DTX1: variants seen among roughly 807,000 people sequenced by gnomAD.
DTX1 encodes the protein deltex E3 ubiquitin ligase 1.
DTX1 carries 26 observed loss-of-function variants against 57.8 expected under a neutral mutation model. The ratio of observed to expected loss-of-function variants is 0.45; its 90% CI spans 0.33 to 0.62. DTX1 has a LOEUF of 0.62. DTX1 is among the 20% of genes least tolerant of loss of function. The pLI, the probability that DTX1 is intolerant of heterozygous loss-of-function variation, is 0.02. For missense variants in DTX1, 704 were observed against 895.3 expected, an observed-to-expected ratio of 0.79 and a Z score of 2.73; for synonymous variants, 398 against 394.1, an observed-to-expected ratio of 1.01 and a Z score of -0.12.
At chr12:113,088,944 G>A (rs973250724) in intron 3 of DTX1, among the ~76,000 whole-genome samples, 4 of 152,162 alleles carry the variant, frequency 2.6e-5, no homozygotes, top group Non-Finnish European at 5.9e-5. Flanking sequence ...GAGCCCAGGA[G>A]TTCAAGACTG....
rs1206685271 is a variant in DTX1, at chr12:113,077,856, C to T, written c.692C>T (p.Pro231Leu). The change falls in exon 3 of 10, where the codon CCG becomes CTG. Residue 231 changes from proline to leucine, a missense_variant. This residue lies in a region of DTX1 where 299 missense variants were observed against 311.2 expected (regional missense o/e 0.96). Coordinates refer to ENST00000548759, the MANE Select transcript of DTX1 (RefSeq NM_004416.3). This position sits in a 1 kb window ranked among gnomAD's most constrained non-coding sequence, Gnocchi z 7.8. ...CGCCGCAAGGCGCCCCCCGCGCCCC[C>T]GCTGCCGCCGCCGCCGCCACCTGGA... ...SQRRKAPPAP[P>L]LPPPPPPGGP... The T allele has an allele frequency of 1.5e-6, 2 of 1,320,474 alleles. No homozygotes were observed. The highest frequency in any genetic ancestry group is 9.6e-7 in the Non-Finnish European group (1 of 1,045,276). 81.8% of individuals were successfully genotyped at this position (1,320,474 alleles called of 1,614,324 possible).
At chr12:113,060,087 A>T (rs1447684046) in intron 2 of DTX1, among the ~76,000 whole-genome samples, 2 of 152,238 alleles carry the variant, frequency 1.3e-5, no homozygotes, top group Admixed American at 6.5e-5. Context: ...AGTGCTTACC[A>T]TGTCTGGAAA....
intron 7 of DTX1, 36 bp from the exon 8 acceptor site, chr12:113,095,006 G>T (rs572338465): frequency 2.5e-6 from 4 of 1,604,124 alleles, no homozygotes. Flanking sequence ...GGTTTGGGGG[G>T]GTGCTGGGAA....
Position 113,093,450 on chromosome 12 carries a change from C to A in DTX1, c.1004-89C>A. On this transcript the variant is annotated intron_variant, in intron 4 of 9. Transcript: ENST00000548759. The surrounding 1 kb of genome is among the most constrained non-coding windows in gnomAD (Gnocchi z 4.2). Reference sequence around the variant, plus strand: ...CCCAAGAGCGCAACCCTCCCACCCACCCGAGGGCCCCGGGATTCCCAGGGC... The same window carrying A: ...CCCAAGAGCGCAACCCTCCCACCCAACCGAGGGCCCCGGGATTCCCAGGGC... 4.3e-6 allele frequency: 5 copies of A among 1,150,286 alleles called. No individual in the cohort carries two copies. Among genetic ancestry groups the A allele is most frequent in the African/African-American group, 1.6e-5 (1 of 63,682 alleles). The allele number at this position is 1,150,286 out of a possible 1,614,324, so 71.3% of individuals were successfully genotyped here. A position where few individuals can be genotyped will look rare whatever the true frequency, so the allele number is the denominator to read the frequency against.
rs1163840504 is a variant in DTX1, at chr12:113,093,618, G to A, written c.1083G>A (p.Pro361=). 1.2e-6 allele frequency: 2 copies of A among 1,612,986 alleles called. No homozygotes were observed. Among genetic ancestry groups the A allele is most frequent in the Non-Finnish European group, 1.7e-6 (2 of 1,179,748 alleles). ...CCCCCAAGCCCATCCTGCACCCGCC[G>A]CCCGTGAGCAAGAGCGACGTGAAGC... ...TRAPKPILHP[P]PVSKSDVKPV... The change falls in exon 5 of 10, where the codon CCG becomes CCA. Residue 361 remains proline, a synonymous_variant. Transcript: ENST00000548759. This position sits in a 1 kb window ranked among gnomAD's most constrained non-coding sequence, Gnocchi z 4.2.
chr12:113,090,119 T>A (rs534930250), intron 3 of DTX1: 1 of 152,262 alleles, frequency 6.6e-6, no homozygotes, highest in South Asian at 2.1e-4. Context: ...ACCCAATTTA[T>A]AGGTAGTCCT....
chr12:113,075,208 G>A (rs2044763113), intron 2 of DTX1, among the ~76,000 whole-genome samples: 1 of 152,238 alleles, frequency 6.6e-6, no homozygotes, highest in Admixed American at 6.5e-5. Flanking sequence ...GCCCAGAGAT[G>A]CTGAGTTGCC....
At chr12:113,069,249 C>G (rs1032292968) in intron 2 of DTX1, among the ~76,000 whole-genome samples, 10 of 152,098 alleles carry the variant, frequency 6.6e-5, no homozygotes, top group Non-Finnish European at 1.3e-4. Context: ...TCCCCTCCCC[C>G]TCCACTTCCT....
At chr12:113,094,284 G>T (rs1435072377) in intron 6 of DTX1, among the ~76,000 whole-genome samples, 185 bp downstream of exon 6, 1 of 152,214 alleles carries the variant, frequency 6.6e-6, no homozygotes, top group Non-Finnish European at 1.5e-5. Flanking sequence ...ATCTTTTGAT[G>T]ATTGAGTTTT....
chr12:113,095,133 C>T lies in DTX1; in HGVS notation c.1478C>T (p.Pro493Leu). ...GGGAAGATGGAGTTCCACCTCATCC[C>T]CCACTCGCTGCCCGGCTTCCCTGAT... The part of the protein sequence containing the change: ...PPGKMEFHLI[P>L]HSLPGFPDTQ... Residue 493 changes from proline (P) to leucine (L), a missense_variant, in exon 8 of 10, where the codon CCC (proline) becomes CTC (leucine). Around this residue, in one of 3 missense-constraint regions of DTX1, gnomAD observed 168 missense variants for 255.6 expected, o/e 0.66. Coordinates refer to ENST00000548759, the MANE Select transcript of DTX1 (RefSeq NM_004416.3). 2 of 1,613,676 alleles carry T rather than the reference C, an allele frequency of 1.2e-6. No homozygotes were observed. Among genetic ancestry groups the T allele is most frequent in the Non-Finnish European group, 1.7e-6 (2 of 1,179,616 alleles).
intron 9 of DTX1, chr12:113,095,714 C>A: frequency 2.4e-6 from 1 of 413,678 alleles, no homozygotes. Context: ...TGAGCCCAGG[C>A]AGTCCAAGCT....
intron 2 of DTX1, among the ~76,000 whole-genome samples, chr12:113,060,151 T>C (rs1048988519): frequency 6.6e-6 from 1 of 152,240 alleles, no homozygotes; most frequent in East Asian, 1.9e-4. Context: ...AGTACATCTA[T>C]GTTTCCGTAA....
At chr12:113,062,775 G>A (rs1460727997) in intron 2 of DTX1, among the ~76,000 whole-genome samples, 1 of 152,238 alleles carries the variant, frequency 6.6e-6, no homozygotes, top group Non-Finnish European at 1.5e-5. Context: ...TCAGGCTGGG[G>A]CCACAGGGGA....
At chr12:113,071,613 G>A (rs371471557) in intron 2 of DTX1, among the ~76,000 whole-genome samples, 2 of 152,258 alleles carry the variant, frequency 1.3e-5, no homozygotes, top group East Asian at 3.8e-4. Flanking sequence ...TAGACCCATT[G>A]TTCTGGCTGA....
intron 2 of DTX1, among the ~76,000 whole-genome samples, chr12:113,061,988 G>A (rs968069911): frequency 2.0e-5 from 3 of 151,924 alleles, no homozygotes; most frequent in Admixed American, 2.0e-4. Context: ...TTACAAGCGT[G>A]AGCCACTGTG....
At chr12:113,089,629 G>A (rs1247189223) in intron 3 of DTX1, among the ~76,000 whole-genome samples, 1 of 152,194 alleles carries the variant, frequency 6.6e-6, no homozygotes, top group Non-Finnish European at 1.5e-5. Context: ...CTCAGGGTTC[G>A]TGGGAACTCT....
At chr12:113,083,253 G>A (rs1336260590) in intron 3 of DTX1, among the ~76,000 whole-genome samples, 1 of 152,082 alleles carries the variant, frequency 6.6e-6, no homozygotes, top group Non-Finnish European at 1.5e-5. Context: ...GAGGCTTAAG[G>A]TTTCAACACA....
rs1431289419 is a variant in DTX1 at position 113,097,007 on chromosome 12, T to A, written c.*68T>A. On this transcript the variant is annotated 3_prime_UTR_variant, in exon 10 of 10. Transcript: ENST00000548759. ...CGGCAAATGCCTCCTTCGCCAGGTG[T>A]GTCCTGGTAGCCCAGGTTCAGGGCT... The A allele has an allele frequency of 6.7e-7, 1 of 1,487,510 alleles. No individual in the cohort carries two copies. The highest frequency in any genetic ancestry group is 2.0e-5 in the Admixed American group (1 of 49,450). The allele number at this position is 1,487,510 out of a possible 1,614,324, so 92.1% of individuals were successfully genotyped here. A position where few individuals can be genotyped will look rare whatever the true frequency, so the allele number is the denominator to read the frequency against.
In DTX1 at chr12:113,077,275, T is replaced by C; in HGVS notation, c.260-149T>C. ...ACCTCCTTCCTCTCCGTGCATGTGTTGACCCTCTCCCCAAGTCTGGGTGGA... is the reference window on the plus strand; with the variant it reads ...ACCTCCTTCCTCTCCGTGCATGTGTCGACCCTCTCCCCAAGTCTGGGTGGA... On this transcript the variant is annotated intron_variant, in intron 2 of 9. Coordinates refer to ENST00000548759, the MANE Select transcript of DTX1 (RefSeq NM_004416.3). This position sits in a 1 kb window ranked among gnomAD's most constrained non-coding sequence, Gnocchi z 7.8. The C allele has an allele frequency of 1.1e-6, 1 of 877,998 alleles. No homozygotes were observed. The highest frequency in any genetic ancestry group is 1.7e-6 in the Non-Finnish European group (1 of 589,984). The allele number at this position is 877,998 out of a possible 1,614,324, so 54.4% of individuals were successfully genotyped here.
Sources: gnomAD v4.1 joint callset for allele counts (sites outside exome capture counted in the v4.1 genomes callset) on GRCh38, gnomAD v4.1.1 for gene constraint, gnomAD v4.1.1 regional missense constraint, Gnocchi (gnomAD v3.1) non-coding constraint, MANE v1.5 for transcripts, NCBI Gene and HGNC (gene_info 2026-07-23, HGNC 2026-07-21) for gene names.